The following XYLT1 variants were observed in gnomAD, a reference collection of about 807,000 sequenced individuals.
XYLT1 encodes beta-D-xylosyltransferase 1.
Under a neutral mutation model 91.3 loss-of-function variants are expected in XYLT1, and 36 were observed. The observed-to-expected ratio is 0.39, with a 90% CI of 0.30 to 0.52. XYLT1 has a LOEUF of 0.52. XYLT1 is among the 20% of genes least tolerant of loss of function. The pLI is 0.68. For synonymous variants in XYLT1, 588 were observed against 532.0 expected, an observed-to-expected ratio of 1.11 and a Z score of -1.45; for missense variants, 1,242 against 1,284.5, an observed-to-expected ratio of 0.97 and a Z score of 0.51.
chr16:17,152,051 T>C (rs578003201), intron 6 of XYLT1, among the ~76,000 whole-genome samples: 1 of 152,344 alleles, frequency 6.6e-6, no homozygotes, highest in Admixed American at 6.5e-5. Flanking sequence ...TCATGTATTT[T>C]TGAAAACATT....
chr16:17,232,429 G>GTGTGTGTATATATATATA (rs1194509016), intron 3 of XYLT1, among the ~76,000 whole-genome samples: 47 of 121,692 alleles, frequency 3.9e-4, no homozygotes, highest in Middle Eastern at 4.0e-3. Context: ...GTGTGTGTGT[G>GTGTGTGTATATATATATA]TATATATATA....
chr16:17,250,857 C>T (rs2033527660), intron 3 of XYLT1: 3 of 152,388 alleles, frequency 2.0e-5, no homozygotes, highest in South Asian at 2.1e-4. Context: ...ATCACATCAC[C>T]CTCATTAGCG....
chr16:17,415,516 C>T (rs1243895026), intron 1 of XYLT1, among the ~76,000 whole-genome samples: 3 of 152,080 alleles, frequency 2.0e-5, no homozygotes, highest in Non-Finnish European at 4.4e-5. Context: ...ATGGTGAAAC[C>T]CCATCTCCAC....
intron 2 of XYLT1, among the ~76,000 whole-genome samples, chr16:17,316,175 A>C (rs973264928): frequency 1.3e-5 from 2 of 152,202 alleles, no homozygotes; most frequent in African/African-American, 4.8e-5. Context: ...AGTGGAATCC[A>C]CAGGAAATTA....
At chr16:17,357,172 CAAAAAAAAAAAA>C (rs1168668915) in intron 2 of XYLT1, among the ~76,000 whole-genome samples, 2,664 of 41,678 alleles carry the variant, frequency 0.064, 96 homozygotes, top group African/African-American at 0.16. Context: ...GACTCGGTCT[CAAAAAAAAAAAA>C]AAAAAAAAAA....
At chr16:17,146,611 TAAA>T (rs773919359) in intron 6 of XYLT1, among the ~76,000 whole-genome samples, 1 of 151,446 alleles carries the variant, frequency 6.6e-6, no homozygotes, top group Non-Finnish European at 1.5e-5. Flanking sequence ...TCCTTTAAAA[TAAA>T]AAAGCATTTC....
At chr16:17,289,744 A>AG (rs2034194627) in intron 2 of XYLT1, among the ~76,000 whole-genome samples, 4 of 152,338 alleles carry the variant, frequency 2.6e-5, no homozygotes, top group Admixed American at 2.0e-4. Context: ...TCCAAAAAAA[A>AG]GTTTGCAAAA....
chr16:17,343,599 T>C (rs2035096677), intron 2 of XYLT1, among the ~76,000 whole-genome samples: 1 of 152,068 alleles, frequency 6.6e-6, no homozygotes, highest in Non-Finnish European at 1.5e-5. Flanking sequence ...GCCTCCCGAG[T>C]AGCTGGGACT....
intron 2 of XYLT1, among the ~76,000 whole-genome samples, chr16:17,348,787 C>CA (rs1376503772): frequency 6.6e-6 from 1 of 152,226 alleles, no homozygotes; most frequent in East Asian, 1.9e-4. Context: ...CTAGAACCTG[C>CA]AAACCCAGCC....
chr16:17,404,126 T>G (rs1567190916), intron 1 of XYLT1, among the ~76,000 whole-genome samples: 1 of 151,642 alleles, frequency 6.6e-6, no homozygotes, highest in African/African-American at 2.4e-5. Context: ...GGAGGAGGTG[T>G]GACAAGCCTG....
chr16:17,288,106 G>C (rs144529450), intron 2 of XYLT1, among the ~76,000 whole-genome samples: 2 of 151,366 alleles, frequency 1.3e-5, no homozygotes, highest in Non-Finnish European at 2.9e-5. Flanking sequence ...TTATTTATTT[G>C]TAGTAGAAGA....
chr16:17,433,167 C>A (rs999116581), intron 1 of XYLT1, among the ~76,000 whole-genome samples: 1 of 152,148 alleles, frequency 6.6e-6, no homozygotes, highest in Non-Finnish European at 1.5e-5. Flanking sequence ...AAATTCACCT[C>A]GCCCCACATG....
chr16:17,323,730 T>C (rs2034760015), intron 2 of XYLT1, among the ~76,000 whole-genome samples: 1 of 152,036 alleles, frequency 6.6e-6, no homozygotes, highest in Non-Finnish European at 1.5e-5. Flanking sequence ...CACCAGTGTG[T>C]AGCTGCTTTC....
intron 2 of XYLT1, among the ~76,000 whole-genome samples, chr16:17,273,454 G>A (rs529860900): frequency 1.3e-5 from 2 of 152,332 alleles, no homozygotes; most frequent in Non-Finnish European, 2.9e-5. Context: ...ACCTGGGAAC[G>A]TGTTAGATGT....
chr16:17,397,438 G>A (rs1218456283), intron 1 of XYLT1, among the ~76,000 whole-genome samples: 6 of 152,108 alleles, frequency 3.9e-5, no homozygotes, highest in South Asian at 2.1e-4. Context: ...CCGCCTTTCC[G>A]GCTTCTATTA....
intron 2 of XYLT1, among the ~76,000 whole-genome samples, chr16:17,341,589 T>C (rs2035064057): frequency 6.6e-6 from 1 of 152,210 alleles, no homozygotes; most frequent in African/African-American, 2.4e-5. Flanking sequence ...GCCATTACTT[T>C]TAAATGGCAA....
At chr16:17,398,783 C>T (rs1193477884) in intron 1 of XYLT1, among the ~76,000 whole-genome samples, 1 of 151,038 alleles carries the variant, frequency 6.6e-6, no homozygotes, top group East Asian at 1.9e-4. Flanking sequence ...CACAAAGTGT[C>T]CTCCCTGTGT....
intron 2 of XYLT1, among the ~76,000 whole-genome samples, chr16:17,293,530 C>T (rs1567360194): frequency 7.6e-6 from 1 of 132,432 alleles, no homozygotes; most frequent in African/African-American, 2.8e-5. Flanking sequence ...GACTGAGTCT[C>T]CTTCTGTAGT....
At chr16:17,381,421 CTTTTTTTTTT>C (rs11299875) in intron 1 of XYLT1, among the ~76,000 whole-genome samples, 2 of 130,122 alleles carry the variant, frequency 1.5e-5, no homozygotes, top group Admixed American at 7.7e-5. Flanking sequence ...AAGGCAACAC[CTTTTTTTTTT>C]TTTTTTTTTT....
Sources: allele counts gnomAD v4.1 joint callset (sites outside exome capture counted in the v4.1 genomes callset), GRCh38; gene constraint gnomAD v4.1.1; transcripts MANE v1.5; gene names NCBI Gene and HGNC (gene_info 2026-07-23, HGNC 2026-07-21).